Variants in ALCAM observed in about 807,000 individuals in gnomAD.
ALCAM encodes CD166 antigen.
In ALCAM, 30 loss-of-function variants were observed where a neutral mutation model predicts 70.9. The ratio of observed to expected loss-of-function variants is 0.42; its 90% confidence interval spans 0.32 to 0.57. ALCAM has a LOEUF of 0.57. Ranked by LOEUF, ALCAM falls within the 20% of genes least tolerant of loss-of-function variation. The pLI, the probability that ALCAM is intolerant of heterozygous loss-of-function variation, is 0.11. For synonymous variants in ALCAM, 249 were observed against 242.5 expected, an observed-to-expected ratio of 1.03 and a Z score of -0.25; for missense variants, 591 against 695.1, an observed-to-expected ratio of 0.85 and a Z score of 1.68.
intron 1 of ALCAM, among the ~76,000 whole-genome samples, chr3:105,378,116 T>G (rs192800614): frequency 6.6e-6 from 1 of 151,990 alleles, no homozygotes; most frequent in African/African-American, 2.4e-5. Context: ...TTTACAAATT[T>G]TTTTAAAAAT....
intron 12 of ALCAM, among the ~76,000 whole-genome samples, chr3:105,551,141 C>A (rs1940394316): frequency 1.3e-5 from 2 of 151,442 alleles, no homozygotes; most frequent in Non-Finnish European, 3.0e-5. Flanking sequence ...AAATAATCAT[C>A]AAAAAATAAT....
At chr3:105,496,131 G>A (rs1938729227) in intron 1 of ALCAM, among the ~76,000 whole-genome samples, 1 of 152,140 alleles carries the variant, frequency 6.6e-6, no homozygotes, top group South Asian at 2.1e-4. Context: ...ACATTGCAGA[G>A]CATAACAATA....
intron 1 of ALCAM, among the ~76,000 whole-genome samples, chr3:105,455,325 C>T (rs1937521367): frequency 1.3e-5 from 2 of 151,518 alleles, no homozygotes; most frequent in Admixed American, 1.3e-4. Context: ...GCCTGTGGTC[C>T]CAGCTACTCA....
chr3:105,383,614 C>T (rs1446940626), intron 1 of ALCAM, among the ~76,000 whole-genome samples: 1 of 151,578 alleles, frequency 6.6e-6, no homozygotes, highest in African/African-American at 2.4e-5. Context: ...AAAGAATTTG[C>T]CTTATTCTAC....
intron 1 of ALCAM, among the ~76,000 whole-genome samples, chr3:105,424,817 T>C (rs889015088): frequency 7.3e-5 from 11 of 151,682 alleles, no homozygotes; most frequent in African/African-American, 2.7e-4. Context: ...AAGAAACAAA[T>C]GATACGTTGA....
At chr3:105,454,949 G>A (rs1937515284) in intron 1 of ALCAM, among the ~76,000 whole-genome samples, 1 of 151,404 alleles carries the variant, frequency 6.6e-6, no homozygotes, top group Admixed American at 6.6e-5. Flanking sequence ...CAAAGTGCTG[G>A]GATTACAGGC....
chr3:105,551,796 G>C (rs1458805453), intron 12 of ALCAM, among the ~76,000 whole-genome samples: 3 of 151,428 alleles, frequency 2.0e-5, no homozygotes, highest in Admixed American at 6.6e-5. Context: ...TCACACTGTA[G>C]ACTTCCTAGG....
In ALCAM at chr3:105,553,162, A is replaced by G. The variant is rs535570130; in HGVS notation, c.1664+577A>G. 88 of 902,470 alleles carry G rather than the reference A, an allele frequency of 9.8e-5. No homozygotes were observed. The African/African-American group carries it at 1.5e-3, about 16-fold the overall frequency. The allele number at this position is 902,470 out of a possible 1,614,324, so 55.9% of individuals were successfully genotyped here. ...CAACACTACATTAAAAATGCTTTAG[A>G]GATGTTAAACATTATTAGTTATATG... On this transcript the variant is annotated intron_variant, in intron 14 of 15. Coordinates refer to ENST00000306107, the MANE Select transcript of ALCAM (RefSeq NM_001627.4).
At chr3:105,489,572 G>A (rs1576197348) in intron 1 of ALCAM, among the ~76,000 whole-genome samples, 1 of 152,316 alleles carries the variant, frequency 6.6e-6, no homozygotes, top group East Asian at 1.9e-4. Context: ...GGATAAATCA[G>A]TGGAGCATTC....
intron 14 of ALCAM, among the ~76,000 whole-genome samples, chr3:105,567,281 G>A (rs1940763214): frequency 6.6e-6 from 1 of 152,114 alleles, no homozygotes; most frequent in Non-Finnish European, 1.5e-5. Flanking sequence ...TCAAGTTAAT[G>A]GGCTTCATCA....
At chr3:105,426,318 A>C (rs1292533833) in intron 1 of ALCAM, among the ~76,000 whole-genome samples, 1 of 151,906 alleles carries the variant, frequency 6.6e-6, no homozygotes, top group African/African-American at 2.4e-5. Flanking sequence ...TCTTTTAATA[A>C]TATCTTGGAA....
chr3:105,506,133 C>A (rs773745618), intron 1 of ALCAM, among the ~76,000 whole-genome samples: 1 of 152,172 alleles, frequency 6.6e-6, no homozygotes, highest in Non-Finnish European at 1.5e-5. Context: ...TAAAATGATA[C>A]TCTTTACCTA....
intron 14 of ALCAM, among the ~76,000 whole-genome samples, chr3:105,560,878 G>T (rs942146832): frequency 6.6e-6 from 1 of 152,046 alleles, no homozygotes; most frequent in Non-Finnish European, 1.5e-5. Flanking sequence ...TGTTTCAGAG[G>T]TCTTATTTCT....
intron 1 of ALCAM, among the ~76,000 whole-genome samples, chr3:105,398,279 G>A (rs914026896): frequency 2.0e-5 from 3 of 152,008 alleles, no homozygotes; most frequent in Admixed American, 6.6e-5. Flanking sequence ...CATGCCCACT[G>A]CAGCTCCCCC....
intron 1 of ALCAM, among the ~76,000 whole-genome samples, chr3:105,491,362 C>T (rs12490553): frequency 0.55 from 83,510 of 152,004 alleles, 23,378 homozygotes; most frequent in African/African-American, 0.65. Flanking sequence ...TCCCATTGTC[C>T]TGGCAATTAA....
chr3:105,450,884 G>T (rs1388639148), intron 1 of ALCAM, among the ~76,000 whole-genome samples: 1 of 151,882 alleles, frequency 6.6e-6, no homozygotes, highest in Admixed American at 6.6e-5. Flanking sequence ...AGGTATATTT[G>T]GAGAAAAAAA....
intron 1 of ALCAM, among the ~76,000 whole-genome samples, chr3:105,468,767 G>A (rs138360711): frequency 2.0e-5 from 3 of 151,356 alleles, no homozygotes; most frequent in Admixed American, 1.3e-4. Context: ...GTGAAGTAGC[G>A]TGTCTATATG....
At chr3:105,547,625 C>T in intron 11 of ALCAM, 102 bp downstream of exon 11, 4 of 1,454,418 alleles carry the variant, frequency 2.8e-6, no homozygotes, top group Non-Finnish European at 3.7e-6. Flanking sequence ...ATAAAATTTG[C>T]AGTGTGTAGG....
At chr3:105,412,813 G>A (rs957940629) in intron 1 of ALCAM, among the ~76,000 whole-genome samples, 1 of 152,016 alleles carries the variant, frequency 6.6e-6, no homozygotes, top group African/African-American at 2.4e-5. Context: ...TTCATCCAAA[G>A]GGCTTAACAT....
Sources: allele counts gnomAD v4.1 joint callset (sites outside exome capture counted in the v4.1 genomes callset), GRCh38; gene constraint gnomAD v4.1.1; transcripts MANE v1.5; gene names NCBI Gene and HGNC (gene_info 2026-07-23, HGNC 2026-07-21).